Variants in PLA2G4B observed in about 807,000 individuals in gnomAD.
PLA2G4B encodes the protein cytosolic phospholipase A2 beta.
Under a neutral mutation model 95.8 loss-of-function variants are expected in PLA2G4B, and 122 were observed. The ratio of observed to expected loss-of-function variants is 1.27; its 90% CI spans 1.10 to 1.48. PLA2G4B has a LOEUF of 1.48. Among genes scored for constraint, PLA2G4B ranks in the 40% most tolerant of loss-of-function variants. The pLI is 0.00. For synonymous variants in PLA2G4B, 518 were observed against 421.5 expected, an observed-to-expected ratio of 1.23 and a Z score of -2.80; for missense variants, 1,158 against 996.2, an observed-to-expected ratio of 1.16 and a Z score of -2.19.
chr15:41,841,613 CTT>C (rs750619839), intron 7 of PLA2G4B, 42 bp downstream of exon 7: 12 of 1,613,234 alleles, frequency 7.4e-6, no homozygotes, highest in Non-Finnish European at 8.5e-6. Context: ...GCTCTCAGCT[CTT>C]GTCTTCCCCC....
At position 41,842,246 on chromosome 15, in the gene PLA2G4B, A is replaced by G. The variant is rs1364145330; in HGVS notation, c.675A>G (p.Gln225=). Residue 225 remains glutamine, a synonymous_variant, in exon 9 of 20, where the codon CAA becomes CAG. Coordinates refer to ENST00000458483, the MANE Select transcript of PLA2G4B (RefSeq NM_001114633.2). ...CACTGAGTGCCCTGCCCTCTGGTCA[A>G]GTGGTGAGGCTTGTCTTCCCCACGT... ...KAPLSALPSG[Q]VVRLVFPTSQ... 6 of 1,613,922 alleles carry G rather than the reference A, an allele frequency of 3.7e-6. No homozygotes were observed. The highest frequency in any genetic ancestry group is 5.1e-6 in the Non-Finnish European group (6 of 1,180,004).
At chr15:41,842,689 C>T (rs1255006024) in intron 10 of PLA2G4B, 98 bp downstream of exon 10, 1 of 1,530,378 alleles carries the variant, frequency 6.5e-7, no homozygotes, top group Non-Finnish European at 8.8e-7. Flanking sequence ...AACAGCCGCC[C>T]CTCATCCTCA....
intron 2 of PLA2G4B, 37 bp from the exon 3 acceptor site, chr15:41,840,487 C>T (rs1192583942): frequency 1.2e-6 from 2 of 1,612,596 alleles, no homozygotes; most frequent in East Asian, 2.2e-5. Flanking sequence ...CTGGGAAGGG[C>T]TCTTGTCCAC....
chr15:41,840,221 A>G lies in PLA2G4B; in HGVS notation c.73A>G (p.Lys25Glu), dbSNP rs144829225. 7.3e-5 allele frequency: 117 copies of G among 1,612,854 alleles called. No individual in the cohort carries two copies. The East Asian group carries it at 2.4e-3, about 33-fold the overall frequency. Reference protein sequence around the residue: ...RVLQAHRLPSKDLVTPSDCYV... With the variant: ...RVLQAHRLPSEDLVTPSDCYV... ...CCTGCAGGCCCATCGCCTACCCTCT[A>G]AGGACCTAGGTGAGTGCGCACCGCC... The change falls in exon 2 of 20, where the codon AAG becomes GAG. Residue 25 changes from lysine (K) to glutamate (E), a missense_variant. Physicochemically the swap from Lys to Glu is moderately conservative, Grantham distance 56. Transcript: ENST00000458483.
Position 41,845,823 on chromosome 15 carries a change from G to A in PLA2G4B, c.1495+48G>A, listed in dbSNP as rs113161955. The A allele has an allele frequency of 5.5e-5, 85 of 1,552,812 alleles. 1 individual carries two copies. The African/African-American group carries it at 7.8e-4, about 14-fold the overall frequency. On this transcript the variant is annotated intron_variant, in intron 15 of 19. Transcript: ENST00000458483. ...GGAAGCTGGGCCGAGCAGGGAAAAT[G>A]GGTCCTGGGTGAGAGGGCAGCCTCG...
At chr15:41,842,393 C>T in intron 9 of PLA2G4B, 117 bp downstream of exon 9, 1 of 1,544,898 alleles carries the variant, frequency 6.5e-7, no homozygotes, top group Non-Finnish European at 8.7e-7. Flanking sequence ...GGTGCTGGGG[C>T]CAGGCTCTTT....
chr15:41,843,068 C>G (rs1159976660), intron 10 of PLA2G4B: 1 of 156,812 alleles, frequency 6.4e-6, no homozygotes, highest in Non-Finnish European at 1.4e-5. Context: ...CCTTTTCTGC[C>G]CCGCCCCCTG....
chr15:41,840,840 C>G lies in PLA2G4B; in HGVS notation c.286C>G (p.Leu96Val). Residue 96 changes from leucine to valine, a missense_variant, in exon 4 of 20, where the codon CTG becomes GTG. Transcript: ENST00000458483. Reference protein sequence around the residue: ...VTGDDPVLSVLFDAGTLRAGE... With the variant: ...VTGDDPVLSVVFDAGTLRAGE... ...CGGAGATGACCCTGTGTTGTCAGTA[C>G]TGTTTGATGCGGGGACTCTGCGGGC... 1 of 1,614,098 alleles carries G rather than the reference C, an allele frequency of 6.2e-7. No homozygotes were observed. Among genetic ancestry groups the G allele is most frequent in the South Asian group, 1.1e-5 (1 of 91,082 alleles).
In PLA2G4B at chr15:41,843,811, G is replaced by A; in HGVS notation, c.879G>A (p.Glu293=). The change falls in exon 11 of 20, where the codon GAG becomes GAA. Residue 293 remains glutamate (E), a splice_region_variant and synonymous_variant. Transcript: ENST00000458483. ...TGGACGGAGACCTGCAGGAGGATGA[G>A]GTTTGGGGGCTGGGCTGGATGGGGT... ...LQLDGDLQED[E]IPVVAIMATG... 4.3e-6 allele frequency: 7 copies of A among 1,613,704 alleles called. No individual in the cohort carries two copies. The highest frequency in any genetic ancestry group is 5.9e-6 in the Non-Finnish European group (7 of 1,179,788).
Position 41,846,777 on chromosome 15 carries a change from C to A in PLA2G4B, c.1889C>A (p.Pro630His). The A allele has an allele frequency of 6.2e-7, 1 of 1,613,992 alleles. No individual in the cohort carries two copies. The highest frequency in any genetic ancestry group is 1.1e-5 in the South Asian group (1 of 91,072). The change falls in exon 18 of 20, where the codon CCC becomes CAC. Residue 630 changes from proline to histidine, a missense_variant. Coordinates refer to ENST00000458483, the MANE Select transcript of PLA2G4B (RefSeq NM_001114633.2). Reference protein sequence around the residue: ...INTSCLPLLQPTRDVDLILSL... With the variant: ...INTSCLPLLQHTRDVDLILSL... ...ACCAGCTGCCTGCCCCTCCTGCAGC[C>A]CACTCGGGACGTGGACCTCATCCTG...
At chr15:41,840,343 TAGAGGAGGGAGCTG>T (rs1324954455) in intron 2 of PLA2G4B, 113 bp downstream of exon 2, 1 of 1,573,766 alleles carries the variant, frequency 6.4e-7, no homozygotes, top group Non-Finnish European at 8.6e-7. Context: ...GGGCAGGGCC[TAGAGGAGGGAGCTG>T]AGAGGAGCTT....
At chr15:41,840,342 C>T (rs2065403959) in intron 2 of PLA2G4B, 112 bp downstream of exon 2, 1 of 1,574,532 alleles carries the variant, frequency 6.4e-7, no homozygotes, top group African/African-American at 1.3e-5. Flanking sequence ...TGGGCAGGGC[C>T]TAGAGGAGGG....
chr15:41,846,592 G>A, intron 17 of PLA2G4B, 77 bp from the exon 18 acceptor site: 2 of 1,540,632 alleles, frequency 1.3e-6, no homozygotes, highest in Non-Finnish European at 1.8e-6. Flanking sequence ...AGGGACCAGA[G>A]GCCAGAGTCT....
intron 10 of PLA2G4B, 64 bp from the exon 11 acceptor site, chr15:41,843,612 C>T: frequency 1.3e-6 from 2 of 1,579,078 alleles, no homozygotes; most frequent in African/African-American, 1.3e-5. Context: ...GTGAGGCAGA[C>T]CCAGCTTTCC....
In PLA2G4B at chr15:41,845,027, C is replaced by G. The variant is rs755730622; in HGVS notation, c.1196C>G (p.Thr399Ser). Residue 399 changes from threonine (T) to serine (S), a missense_variant, in exon 13 of 20, where the codon ACC becomes AGC. Thr to Ser is a moderately conservative substitution (Grantham distance 58). Coordinates refer to ENST00000458483, the MANE Select transcript of PLA2G4B (RefSeq NM_001114633.2). ...RARLGYPSCF[T>S]NLWALINEAL... ...CGCTTGGGCTACCCAAGCTGCTTCA[C>G]CAACCTGTGGGCCCTCATCAACGAG... 5 of 1,603,088 alleles carry G rather than the reference C, an allele frequency of 3.1e-6. No homozygotes were observed. The highest frequency in any genetic ancestry group is 3.3e-4 in the Middle Eastern group (2 of 6,044).
intron 14 of PLA2G4B, 134 bp downstream of exon 14, chr15:41,845,454 C>T (rs1246733394): frequency 5.5e-6 from 8 of 1,449,514 alleles, no homozygotes; most frequent in South Asian, 1.3e-5. Context: ...AGACCGGCAC[C>T]CTACCAGGGT....
Position 41,844,926 on chromosome 15 carries a change from G to A in PLA2G4B, c.1095G>A (p.Gln365=), listed in dbSNP as rs1231255271. 2.5e-6 allele frequency: 4 copies of A among 1,612,640 alleles called. No individual in the cohort carries two copies. The highest frequency in any genetic ancestry group is 3.4e-6 in the Non-Finnish European group (4 of 1,179,542). Residue 365 remains glutamine (Q), a synonymous_variant, in exon 13 of 20, where the codon CAG becomes CAA. Transcript: ENST00000458483. ...GGCCCACTGAGTTGCTGAAGACCCAGGTGACCAAGAACAAGCTGGGTGTGC... is the reference window on the plus strand; with the variant it reads ...GGCCCACTGAGTTGCTGAAGACCCAAGTGACCAAGAACAAGCTGGGTGTGC... The part of the protein sequence containing the change: ...LAGPTELLKT[Q]VTKNKLGVLA...
chr15:41,844,622 G>T lies in PLA2G4B; in HGVS notation c.1016+15G>T. ...GGCTCCACCTGGTGAGCTGGGGGCA[G>T]GCTGATGCTGGACCCTGTGTGGCAG... On this transcript the variant is annotated intron_variant, in intron 12 of 19. Coordinates refer to ENST00000458483, the MANE Select transcript of PLA2G4B (RefSeq NM_001114633.2). 1.2e-6 allele frequency: 2 copies of T among 1,613,940 alleles called. No individual in the cohort carries two copies. Among genetic ancestry groups the T allele is most frequent in the Non-Finnish European group, 1.7e-6 (2 of 1,180,022 alleles).
In PLA2G4B at chr15:41,846,292, C is replaced by T. The variant is rs371778341; in HGVS notation, c.1690C>T (p.Arg564Cys). 1.1e-5 allele frequency: 18 copies of T among 1,613,942 alleles called. No homozygotes were observed. The highest frequency in any genetic ancestry group is 2.2e-5 in the East Asian group (1 of 44,892). The change falls in exon 17 of 20, where the codon CGT becomes TGT. Residue 564 changes from arginine to cysteine, a missense_variant. Transcript: ENST00000458483. ...AEFFTDLLTW[R>C]PLAQATHNFL... ...GTTTTTCACCGATCTTCTGACGTGG[C>T]GTCCACTGGCCCAGGCCACACATAA...
Sources: allele counts gnomAD v4.1 joint callset, GRCh38; gene constraint gnomAD v4.1.1; transcripts MANE v1.5; gene names NCBI Gene and HGNC (gene_info 2026-07-23, HGNC 2026-07-21).